Variants in SEPTIN8 observed in about 807,000 individuals in gnomAD.
SEPTIN8 encodes septin-8.
In SEPTIN8, 22 loss-of-function variants were observed where a neutral mutation model predicts 53.1. That is an observed-to-expected ratio of 0.41 (90% CI 0.30 to 0.59). SEPTIN8 has a LOEUF of 0.59. Among genes scored for constraint, SEPTIN8 ranks in the 20% least tolerant of loss-of-function variants. SEPTIN8 has a pLI of 0.24. For synonymous variants in SEPTIN8, 228 were observed against 248.4 expected (o/e 0.92, Z 0.77); for missense variants, 536 against 638.7 (o/e 0.84, Z 1.73).
In SEPTIN8 at chr5:132,764,095, CAG is replaced by C. The variant is rs530168092; in HGVS notation, c.347+127_347+128del. On this transcript the variant is annotated intron_variant, in intron 3 of 9. Transcript: ENST00000378719. Reference sequence around the variant, plus strand: ...GGAGTAACTGGTCTGTTGGTGACCACAGAGCCTCAGATATTCCCCAAGAGGCC... The same window carrying C: ...GGAGTAACTGGTCTGTTGGTGACCACAGCCTCAGATATTCCCCAAGAGGCC... 122 of 1,072,540 alleles carry C rather than the reference CAG, an allele frequency of 1.1e-4. No homozygotes were observed. In the African/African-American group the frequency reaches 1.9e-3, roughly 17 times the overall value. 66.4% of individuals were successfully genotyped at this position (1,072,540 alleles called of 1,614,324 possible). A position where few individuals can be genotyped will look rare whatever the true frequency, so the allele number is the denominator to read the frequency against.
chr5:132,752,557 C>G (rs1754939561), intron 9 of SEPTIN8, among the ~76,000 whole-genome samples: 1 of 152,138 alleles, frequency 6.6e-6, no homozygotes, highest in Admixed American at 6.5e-5. Context: ...TCCTTCACCT[C>G]TCCTTTGTAT....
upstream of SEPTIN8, chr5:132,777,875 C>G: frequency 1.0e-6 from 1 of 985,472 alleles, no homozygotes; most frequent in Non-Finnish European, 1.2e-6. This position sits in a 1 kb window ranked among gnomAD's most constrained non-coding sequence, Gnocchi z 4.1. Flanking sequence ...GAGCAGGATG[C>G]GCAGTTTAGG....
rs115141047 is a variant in SEPTIN8, at chr5:132,751,902, T to C, written c.*114A>G. 4,427 of 1,520,480 alleles carry C rather than the reference T, an allele frequency of 2.9e-3. 75 individuals carry two copies. In the African/African-American group the frequency reaches 0.043, roughly 15 times the overall value. The allele number at this position is 1,520,480 out of a possible 1,614,324, so 94.2% of individuals were successfully genotyped here. ...ATGGAAATTTAAATTGTTTGCACTTTTGATCATTGATATAGGAAAAGTATG... is the reference window on the plus strand; with the variant it reads ...ATGGAAATTTAAATTGTTTGCACTTCTGATCATTGATATAGGAAAAGTATG... On this transcript the variant is annotated 3_prime_UTR_variant, in exon 10 of 10. Transcript: ENST00000378719.
chr5:132,772,984 G>A (rs1371207478), intron 1 of SEPTIN8, among the ~76,000 whole-genome samples: 4 of 152,196 alleles, frequency 2.6e-5, no homozygotes, highest in African/African-American at 9.6e-5. Flanking sequence ...GGGAACACCT[G>A]AAAGCCGTGT....
intron 1 of SEPTIN8, among the ~76,000 whole-genome samples, chr5:132,771,097 C>T (rs1343035920): frequency 1.3e-5 from 2 of 152,212 alleles, no homozygotes; most frequent in East Asian, 1.9e-4. Flanking sequence ...CTAGGACGCC[C>T]TTTTCCTGAT....
chr5:132,758,274 G>C, intron 9 of SEPTIN8: 1 of 1,316,556 alleles, frequency 7.6e-7, no homozygotes, highest in South Asian at 2.5e-5. Context: ...AATAATGGGA[G>C]AGGATATTAT....
chr5:132,779,572 C>A (rs943846634), upstream of SEPTIN8, among the ~76,000 whole-genome samples: 2 of 152,164 alleles, frequency 1.3e-5, no homozygotes, highest in African/African-American at 4.8e-5. Flanking sequence ...CCCTCCAGGC[C>A]TCTTGCTTGT....
chr5:132,777,820 C>T, upstream of SEPTIN8: 1 of 985,502 alleles, frequency 1.0e-6, no homozygotes, highest in Non-Finnish European at 1.2e-6. The surrounding 1 kb of genome is among the most constrained non-coding windows in gnomAD (Gnocchi z 4.1). Flanking sequence ...GGCCAGGCGG[C>T]CTTCCCGGGC....
chr5:132,779,672 T>C (rs1758011068), upstream of SEPTIN8, among the ~76,000 whole-genome samples: 1 of 152,264 alleles, frequency 6.6e-6, no homozygotes, highest in African/African-American at 2.4e-5. Flanking sequence ...TTATTATTTT[T>C]ACTTTGGCTT....
At chr5:132,752,595 C>T (rs113589579) in intron 9 of SEPTIN8, among the ~76,000 whole-genome samples, 6 of 152,022 alleles carry the variant, frequency 3.9e-5, no homozygotes, top group Non-Finnish European at 5.9e-5. Context: ...TACAGGGGTA[C>T]CATGAGGCAA....
chr5:132,762,582 T>C lies in SEPTIN8; in HGVS notation c.598A>G (p.Lys200Glu). 3 of 1,614,212 alleles carry C rather than the reference T, an allele frequency of 1.9e-6. No homozygotes were observed. The highest frequency in any genetic ancestry group is 2.5e-6 in the Non-Finnish European group (3 of 1,180,018). ...ACCAACTCGCCCATGATCTTGATCTTGAACTTGTGGAGCTCGCTCTTGGAG... is the reference window on the plus strand; with the variant it reads ...ACCAACTCGCCCATGATCTTGATCTCGAACTTGTGGAGCTCGCTCTTGGAG... ...TISKSELHKF[K>E]IKIMGELVSN... The change falls in exon 5 of 10, where the codon AAG (lysine) becomes GAG (glutamate). Residue 200 changes from lysine (K) to glutamate (E), a missense_variant. Lys to Glu is a moderately conservative substitution (Grantham distance 56). Transcript: ENST00000378719.
Position 132,776,207 on chromosome 5 carries a change from C to CCTTA in SEPTIN8, c.30+897_30+900dup. Among the ~76,000 whole-genome samples, 1 of 152,042 alleles carries CCTTA rather than the reference C, an allele frequency of 6.6e-6. No homozygotes were observed. The highest frequency in any genetic ancestry group is 1.9e-4 in the East Asian group (1 of 5,164). On this transcript the variant is annotated intron_variant, in intron 1 of 9. Coordinates refer to ENST00000378719, the MANE Select transcript of SEPTIN8 (RefSeq NM_001098811.2). This position sits in a 1 kb window ranked among gnomAD's most constrained non-coding sequence, Gnocchi z 4.4. The stretch of plus-strand genomic sequence containing the variant: ...TCCTCCCCCTTCCAGCCGACCAGGG[C>CCTTA]CTTACATGCTGGCAAGAGGACACAG...
rs375469583 is a variant in SEPTIN8 at position 132,761,864 on chromosome 5, G to A, written c.729C>T (p.Thr243=). The part of the protein sequence containing the change: ...AHLPFAVVGS[T]EEVKVGNKLV... ...GCTTGTTCCCCACCTTCACCTCCTC[G>A]GTGCTGCCCACCACGGCAAAGGGCA... Residue 243 remains threonine (T), a synonymous_variant, in exon 6 of 10, where the codon ACC becomes ACT. Transcript: ENST00000378719. The surrounding 1 kb of genome is among the most constrained non-coding windows in gnomAD (Gnocchi z 5.8). 53 of 1,603,326 alleles carry A rather than the reference G, an allele frequency of 3.3e-5. No homozygotes were observed. The highest frequency in any genetic ancestry group is 8.5e-5 in the Admixed American group (5 of 58,540).
chr5:132,770,249 G>A (rs1223035571), intron 1 of SEPTIN8, among the ~76,000 whole-genome samples: 1 of 150,154 alleles, frequency 6.7e-6, no homozygotes, highest in African/African-American at 2.5e-5. Context: ...TGTGATCTCA[G>A]CTCACTGTAA....
At chr5:132,777,801 C>G, upstream of SEPTIN8, 1 of 985,502 alleles carries the variant, frequency 1.0e-6, no homozygotes, top group African/African-American at 1.7e-5. This position sits in a 1 kb window ranked among gnomAD's most constrained non-coding sequence, Gnocchi z 4.1. Flanking sequence ...CGGCGGGACC[C>G]GCGCGTCCGG....
intron 9 of SEPTIN8, chr5:132,754,617 G>A: frequency 1.5e-6 from 1 of 663,994 alleles, no homozygotes; most frequent in Non-Finnish European, 2.8e-6. Flanking sequence ...CTCTTCTATA[G>A]GGAAGCTCAC....
Position 132,761,338 on chromosome 5 carries a change from G to C in SEPTIN8, c.963-73C>G, listed in dbSNP as rs184089994. On this transcript the variant is annotated intron_variant, in intron 7 of 9. Coordinates refer to ENST00000378719, the MANE Select transcript of SEPTIN8 (RefSeq NM_001098811.2). The surrounding 1 kb of genome is among the most constrained non-coding windows in gnomAD (Gnocchi z 5.8). ...TGGGATAGGGCAGGGCAGAGCCAGA[G>C]AAGTAGAATCATGTGGGCACGAGGG... 1.9e-6 allele frequency: 3 copies of C among 1,600,834 alleles called. No individual in the cohort carries two copies. Among genetic ancestry groups the C allele is most frequent in the Non-Finnish European group, 2.6e-6 (3 of 1,176,320 alleles).
At chr5:132,755,498 C>T (rs1323812075) in intron 9 of SEPTIN8, among the ~76,000 whole-genome samples, 55 of 152,334 alleles carry the variant, frequency 3.6e-4, no homozygotes, top group African/African-American at 1.3e-3. Flanking sequence ...CTCAACTTCT[C>T]CAGTTACTTG....
chr5:132,757,578 T>C (rs1468961033), intron 9 of SEPTIN8: 1 of 985,274 alleles, frequency 1.0e-6, no homozygotes, highest in Non-Finnish European at 1.2e-6. Flanking sequence ...GTGAGCTCCT[T>C]GAGGGGAGCG....
Sources: allele counts gnomAD v4.1 joint callset (sites outside exome capture counted in the v4.1 genomes callset), GRCh38; gene constraint gnomAD v4.1.1; non-coding constraint Gnocchi (gnomAD v3.1); transcripts MANE v1.5; gene names NCBI Gene and HGNC (gene_info 2026-07-23, HGNC 2026-07-21).